Variants in SDK1 observed in about 807,000 individuals in gnomAD.
SDK1 encodes the protein protein sidekick-1.
SDK1 carries 157 observed loss-of-function variants against 245.5 expected under a neutral mutation model. The ratio of observed to expected loss-of-function variants is 0.64; its 90% confidence interval spans 0.56 to 0.73. The LOEUF is 0.73. Among genes scored for constraint, SDK1 ranks in the 30% least tolerant of loss-of-function variants. SDK1 has a pLI of 0.00. For missense variants in SDK1, 3,583 were observed against 3,002.3 expected (o/e 1.19, Z -4.52); for synonymous variants, 1,647 against 1,278.5 (o/e 1.29, Z -6.15).
intron 4 of SDK1, among the ~76,000 whole-genome samples, chr7:3,690,120 G>T (rs984008978): frequency 1.3e-5 from 2 of 152,116 alleles, no homozygotes; most frequent in East Asian, 3.9e-4. Context: ...AGAACAGATC[G>T]AACCTTTTGG....
chr7:3,883,758 G>C lies in SDK1; in HGVS notation c.847+62175G>C, dbSNP rs529060095. Among the ~76,000 whole-genome samples, 4 of 148,130 alleles carry C rather than the reference G, an allele frequency of 2.7e-5. No homozygotes were observed. In the East Asian group the frequency reaches 7.9e-4, roughly 29 times the overall value. On this transcript the variant is annotated intron_variant, in intron 5 of 44. Coordinates refer to ENST00000404826, the MANE Select transcript of SDK1 (RefSeq NM_152744.4). ...GGATCATCACTCTTCCTCCACGGTG[G>C]TTCTTGAATACAGTCCTTCCTCCAT...
intron 1 of SDK1, chr7:3,338,447 T>G (rs527246425): frequency 1.4e-4 from 71 of 519,388 alleles, no homozygotes; most frequent in African/African-American, 1.4e-3. Context: ...CTGAAACATG[T>G]GAAGGAAAAT....
intron 4 of SDK1, among the ~76,000 whole-genome samples, chr7:3,671,906 TTG>T (rs1375309172): frequency 1.3e-5 from 2 of 152,172 alleles, no homozygotes; most frequent in Middle Eastern, 3.2e-3. Flanking sequence ...TGCTTATTGT[TTG>T]TGTTTATAAT....
intron 1 of SDK1, among the ~76,000 whole-genome samples, chr7:3,313,418 AATAAAGGTTGTAG>A (rs1441613896): frequency 1.3e-5 from 2 of 152,026 alleles, no homozygotes; most frequent in Non-Finnish European, 2.9e-5. Flanking sequence ...AAGTAAGTGA[AATAAAGGTTGTAG>A]ATAAAAAACA....
chr7:3,327,655 TA>T (rs552117043), intron 1 of SDK1, among the ~76,000 whole-genome samples: 7 of 149,054 alleles, frequency 4.7e-5, no homozygotes, highest in South Asian at 2.1e-4. Context: ...AGTTCCAAAA[TA>T]AAAAAAAAAT....
chr7:3,702,887 A>C (rs1434136094), intron 4 of SDK1, among the ~76,000 whole-genome samples: 3 of 151,842 alleles, frequency 2.0e-5, no homozygotes, highest in South Asian at 2.1e-4. Context: ...CCAAAATAAG[A>C]GATCACTAGC....
At chr7:3,943,014 G>T (rs997950004) in intron 5 of SDK1, among the ~76,000 whole-genome samples, 3 of 152,182 alleles carry the variant, frequency 2.0e-5, no homozygotes, top group African/African-American at 7.2e-5. Flanking sequence ...ACGGCCCATG[G>T]CCTGTCCCTG....
chr7:3,355,991 G>C (rs899020855), intron 1 of SDK1, among the ~76,000 whole-genome samples: 8 of 152,134 alleles, frequency 5.3e-5, no homozygotes, highest in Non-Finnish European at 1.0e-4. Flanking sequence ...TTGTCATGAG[G>C]ACTGCACTGA....
intron 30 of SDK1, among the ~76,000 whole-genome samples, chr7:4,157,068 C>T (rs1431885204): frequency 6.6e-6 from 1 of 152,066 alleles, no homozygotes; most frequent in Non-Finnish European, 1.5e-5. Context: ...ATTCGGAAGT[C>T]GAATGAAGGG....
In SDK1 at chr7:3,409,679, C is replaced by T. The variant is rs1486070993; in HGVS notation, c.298+107795C>T. Among the ~76,000 whole-genome samples, 8 of 152,040 alleles carry T rather than the reference C, an allele frequency of 5.3e-5. No individual in the cohort carries two copies. In the South Asian group the frequency reaches 6.2e-4, roughly 12 times the overall value. On this transcript the variant is annotated intron_variant, in intron 1 of 44. Coordinates refer to ENST00000404826, the MANE Select transcript of SDK1 (RefSeq NM_152744.4). ...TGGAGACAGCAACAGAAGAGAAGAG[C>T]GTTGGGGATGGCTCTGAGTTGAAGC...
rs547012328 is a variant in SDK1, at chr7:4,161,943, A to G, written c.4800+87A>G. 2.1e-5 allele frequency: 26 copies of G among 1,213,432 alleles called. 1 individual carries two copies. The South Asian group carries it at 2.9e-4, about 14-fold the overall frequency. 75.2% of individuals were successfully genotyped at this position (1,213,432 alleles called of 1,614,324 possible). A position where few individuals can be genotyped will look rare whatever the true frequency, so the allele number is the denominator to read the frequency against. On this transcript the variant is annotated intron_variant, in intron 32 of 44. Transcript: ENST00000404826. ...GCCACAACGGCTGACATGGACTGCA[A>G]GCTGAGCCCTGAGCTAAGCGTTTGA...
intron 1 of SDK1, among the ~76,000 whole-genome samples, chr7:3,611,368 C>T (rs1246099784): frequency 6.6e-6 from 1 of 152,148 alleles, no homozygotes; most frequent in Non-Finnish European, 1.5e-5. Context: ...TCCTCCTGCT[C>T]TTCCTCCTCT....
chr7:3,452,786 C>G (rs956630908), intron 1 of SDK1, among the ~76,000 whole-genome samples: 2 of 152,194 alleles, frequency 1.3e-5, no homozygotes, highest in Non-Finnish European at 2.9e-5. Context: ...TTGACTGTTT[C>G]CAGAAGTCTT....
At chr7:3,442,949 A>C (rs986913208) in intron 1 of SDK1, among the ~76,000 whole-genome samples, 1 of 152,142 alleles carries the variant, frequency 6.6e-6, no homozygotes, top group African/African-American at 2.4e-5. Flanking sequence ...AATTTCTCCC[A>C]AGAAGCCTGC....
chr7:3,463,720 C>T (rs910965403), intron 1 of SDK1, among the ~76,000 whole-genome samples: 2 of 152,188 alleles, frequency 1.3e-5, no homozygotes, highest in African/African-American at 2.4e-5. Context: ...TCATTCATTT[C>T]CCCCTCTCTG....
chr7:4,031,771 T>A (rs1453670528), intron 17 of SDK1, among the ~76,000 whole-genome samples: 1 of 151,814 alleles, frequency 6.6e-6, no homozygotes, highest in Non-Finnish European at 1.5e-5. Context: ...TAAATAACAT[T>A]TCCCCAGCAC....
At chr7:3,779,173 C>G (rs192685432) in intron 4 of SDK1, among the ~76,000 whole-genome samples, 2 of 152,262 alleles carry the variant, frequency 1.3e-5, no homozygotes, top group African/African-American at 2.4e-5. Flanking sequence ...ATCTTTAGGA[C>G]TAGGTATACC....
chr7:3,637,784 G>A (rs1782511291), intron 2 of SDK1, among the ~76,000 whole-genome samples: 1 of 152,208 alleles, frequency 6.6e-6, no homozygotes. Flanking sequence ...AGTTTTTAAA[G>A]TTAACATCAG....
intron 1 of SDK1, among the ~76,000 whole-genome samples, chr7:3,419,525 A>G (rs532934637): frequency 6.6e-6 from 1 of 152,258 alleles, no homozygotes; most frequent in African/African-American, 2.4e-5. Context: ...CTGTTTCGAA[A>G]GTATTGAGTG....
Sources: allele counts gnomAD v4.1 joint callset (sites outside exome capture counted in the v4.1 genomes callset), GRCh38; gene constraint gnomAD v4.1.1; transcripts MANE v1.5; gene names NCBI Gene and HGNC (gene_info 2026-07-23, HGNC 2026-07-21).